FILIP1L: variants seen among roughly 807,000 people sequenced by gnomAD.
The protein encoded by FILIP1L is filamin A interacting protein 1 like, also known as filamin A-interacting protein 1-like.
A neutral mutation model predicts 96.6 loss-of-function variants in FILIP1L; 55 were observed. The ratio of observed to expected loss-of-function variants is 0.57; its 90% CI spans 0.46 to 0.71. The LOEUF (loss-of-function observed/expected upper bound fraction) is 0.71, where lower values mean the gene tolerates loss of function less well. Among genes scored for constraint, FILIP1L ranks in the 30% least tolerant of loss-of-function variants. FILIP1L has a pLI of 0.00. For synonymous variants in FILIP1L, 467 were observed against 473.9 expected, an observed-to-expected ratio of 0.99 and a Z score of 0.19; for missense variants, 1,304 against 1,321.2, an observed-to-expected ratio of 0.99 and a Z score of 0.20.
At position 100,049,550 on chromosome 3, in the gene FILIP1L, G is replaced by A. The variant is rs147479124; in HGVS notation, c.-11+64503C>T. Among the ~76,000 whole-genome samples the A allele has an allele frequency of 2.4e-3, 372 of 152,244 alleles. 1 individual carries two copies. The highest frequency in any genetic ancestry group is 8.4e-3 in the African/African-American group (350 of 41,552). On this transcript the variant is annotated intron_variant, in intron 1 of 5. Coordinates refer to ENST00000477258, the MANE Select transcript of FILIP1L (RefSeq NM_001387850.1). ...AAAATAATTCATTGAGGGAATAAAAGTGATTAGAATATAAAGCCAGAGATA... is the reference window on the plus strand; with the variant it reads ...AAAATAATTCATTGAGGGAATAAAAATGATTAGAATATAAAGCCAGAGATA...
At chr3:100,055,162 G>T (rs949429846) in intron 1 of FILIP1L, among the ~76,000 whole-genome samples, 3 of 152,084 alleles carry the variant, frequency 2.0e-5, no homozygotes, top group African/African-American at 7.2e-5. Context: ...CCCAATTCAG[G>T]TCTCCCAGTT....
chr3:99,892,006 A>T (rs1250705940), intron 4 of FILIP1L, among the ~76,000 whole-genome samples: 1 of 152,146 alleles, frequency 6.6e-6, no homozygotes. Flanking sequence ...TGATTTTTTC[A>T]CAGTTGTTAC....
chr3:100,030,143 A>G lies in FILIP1L; in HGVS notation c.-11+83910T>C, dbSNP rs572404086. Reference sequence around the variant, plus strand: ...CCAAACACTTGCCTAAAGTCACACAACTAGAGTTAACCATAGGACTGAAAT... The same window carrying G: ...CCAAACACTTGCCTAAAGTCACACAGCTAGAGTTAACCATAGGACTGAAAT... On this transcript the variant is annotated intron_variant, in intron 1 of 5. Transcript: ENST00000477258. 9.2e-5 allele frequency among the ~76,000 whole-genome samples: 14 copies of G among 152,306 alleles called. 1 individual carries two copies. The South Asian group carries it at 2.9e-3, about 32-fold the overall frequency.
At chr3:100,042,350 G>C (rs1395547043) in intron 1 of FILIP1L, among the ~76,000 whole-genome samples, 1 of 151,668 alleles carries the variant, frequency 6.6e-6, no homozygotes, top group Non-Finnish European at 1.5e-5. Context: ...AAAAAACATT[G>C]GCTCTGTGAC....
Position 99,850,760 on chromosome 3 carries a change from G to A in FILIP1L, c.916C>T (p.Gln306Ter). 8 of 1,614,124 alleles carry A rather than the reference G, an allele frequency of 5.0e-6. No individual in the cohort carries two copies. Among genetic ancestry groups the A allele is most frequent in the Non-Finnish European group, 6.8e-6 (8 of 1,180,008 alleles). ...QTQTTKFHQD[Q>*]DTIMAKLTNE... The stretch of plus-strand genomic sequence containing the variant: ...GTGAGCTTCGCCATAATTGTGTCTT[G>A]GTCTTGGTGAAACTTTGTGGTCTGC... Residue 306 changes from glutamine to a stop codon, truncating the protein, a stop_gained, in exon 5 of 6, where the codon CAA becomes TAA. Transcript: ENST00000477258. LOFTEE classifies it high-confidence loss of function.
intron 1 of FILIP1L, among the ~76,000 whole-genome samples, chr3:100,033,788 C>T (rs950561292): frequency 2.0e-5 from 3 of 152,152 alleles, no homozygotes; most frequent in African/African-American, 7.2e-5. Flanking sequence ...TTTATTCTTT[C>T]CATGAATTGT....
chr3:99,850,988 C>T lies in FILIP1L; in HGVS notation c.688G>A (p.Glu230Lys), dbSNP rs1363874010. ...EKEKRVTTLK[E>K]ELTKLKSFAL... The stretch of plus-strand genomic sequence containing the variant: ...AAAGACTTCAGCTTGGTCAGCTCCT[C>T]TTTCAGGGTGGTGACCCTTTTCTCC... Residue 230 changes from glutamate (E) to lysine (K), a missense_variant, in exon 5 of 6, where the codon GAG (glutamate) becomes AAG (lysine). Glu to Lys is a moderately conservative substitution (Grantham distance 56). Coordinates refer to ENST00000477258, the MANE Select transcript of FILIP1L (RefSeq NM_001387850.1). 5 of 1,614,026 alleles carry T rather than the reference C, an allele frequency of 3.1e-6. No individual in the cohort carries two copies. The highest frequency in any genetic ancestry group is 4.2e-6 in the Non-Finnish European group (5 of 1,179,964).
At chr3:99,986,540 G>A (rs1709347526) in intron 1 of FILIP1L, among the ~76,000 whole-genome samples, 1 of 152,176 alleles carries the variant, frequency 6.6e-6, no homozygotes, top group South Asian at 2.1e-4. Context: ...TATGAGGTTG[G>A]TAGGTATATT....
Position 99,945,363 on chromosome 3 carries a change from C to G in FILIP1L, c.-10-14333G>C, listed in dbSNP as rs1707978209. ...TGCGTAGATCTGGACCTCAGACTCTCTGAGGTCTGTGGTAATGGGGATAGA... is the reference window on the plus strand; with the variant it reads ...TGCGTAGATCTGGACCTCAGACTCTGTGAGGTCTGTGGTAATGGGGATAGA... On this transcript the variant is annotated intron_variant, in intron 1 of 5. Coordinates refer to ENST00000477258, the MANE Select transcript of FILIP1L (RefSeq NM_001387850.1). 2.0e-5 allele frequency among the ~76,000 whole-genome samples: 3 copies of G among 152,118 alleles called. No individual in the cohort carries two copies. The South Asian group carries it at 6.2e-4, about 32-fold the overall frequency.
intron 1 of FILIP1L, among the ~76,000 whole-genome samples, chr3:99,965,700 C>T (rs2107709618): frequency 6.6e-6 from 1 of 152,300 alleles, no homozygotes; most frequent in Admixed American, 6.5e-5. Context: ...CCTGCTCATC[C>T]TGTGGAACAT....
At chr3:100,086,874 A>G (rs150478058) in intron 1 of FILIP1L, among the ~76,000 whole-genome samples, 1,784 of 152,216 alleles carry the variant, frequency 0.012, 23 homozygotes, top group African/African-American at 0.026. Context: ...CCCTCTCTCT[A>G]TTCTCAACCC....
intron 1 of FILIP1L, among the ~76,000 whole-genome samples, chr3:99,939,750 A>G (rs1348564868): frequency 2.0e-5 from 3 of 152,182 alleles, no homozygotes; most frequent in African/African-American, 7.2e-5. Flanking sequence ...TTTCACATGC[A>G]TGTTTCTTGA....
chr3:100,072,308 C>T (rs1032849448), intron 1 of FILIP1L, among the ~76,000 whole-genome samples: 2 of 152,174 alleles, frequency 1.3e-5, no homozygotes, highest in Admixed American at 6.5e-5. Flanking sequence ...TCTCATTGGC[C>T]TCCTGCCCTA....
rs41386051 is a variant in FILIP1L at position 100,080,048 on chromosome 3, C to T, written c.-11+34005G>A. On this transcript the variant is annotated intron_variant, in intron 1 of 5. Coordinates refer to ENST00000477258, the MANE Select transcript of FILIP1L (RefSeq NM_001387850.1). ...GAAATTAAATGCTTCACAAAATTAA[C>T]GGTGTCAACACTGGGTCTTCTGCAC... Among the ~76,000 whole-genome samples the T allele has an allele frequency of 4.2e-3, 642 of 152,264 alleles. 4 individuals carry two copies. Among genetic ancestry groups the T allele is most frequent in the African/African-American group, 0.014 (598 of 41,548 alleles).
chr3:99,983,394 ATATATATAT>A (rs1709194105), intron 1 of FILIP1L, among the ~76,000 whole-genome samples: 11 of 84,860 alleles, frequency 1.3e-4, no homozygotes, highest in African/African-American at 4.3e-4. Flanking sequence ...AAATAAATAT[ATATATATAT>A]ATATATATAT....
intron 1 of FILIP1L, among the ~76,000 whole-genome samples, chr3:99,968,415 C>CTTTT (rs1708717358): frequency 6.7e-6 from 1 of 148,336 alleles, no homozygotes; most frequent in Non-Finnish European, 1.5e-5. Context: ...TCCTGAAAAA[C>CTTTT]TATGTTTTTG....
intron 1 of FILIP1L, among the ~76,000 whole-genome samples, chr3:100,078,970 A>T (rs144587909): frequency 5.3e-4 from 81 of 152,286 alleles, no homozygotes; most frequent in African/African-American, 1.9e-3. Context: ...GCCACATTCA[A>T]AGCTGTCCTG....
Position 99,907,766 on chromosome 3 carries a change from G to C in FILIP1L, c.605+16464C>G, listed in dbSNP as rs149041643. The stretch of plus-strand genomic sequence containing the variant: ...CTCTTTTTCTCCTTGTCTGAACTAT[G>C]TCTGTCTTTTAATGTGCAACGCTAA... On this transcript the variant is annotated intron_variant, in intron 4 of 5. Coordinates refer to ENST00000477258, the MANE Select transcript of FILIP1L (RefSeq NM_001387850.1). 2.0e-4 allele frequency among the ~76,000 whole-genome samples: 30 copies of C among 152,118 alleles called. No individual in the cohort carries two copies. In the East Asian group the frequency reaches 5.6e-3, roughly 28 times the overall value.
At chr3:100,054,490 T>TTGTTATGTTATGTTATGTTATGTTA (rs10668094) in intron 1 of FILIP1L, among the ~76,000 whole-genome samples, 4 of 146,086 alleles carry the variant, frequency 2.7e-5, no homozygotes, top group East Asian at 2.0e-4. Flanking sequence ...ATGTTATGTT[T>TTGTTATGTTATGTTATGTTATGTTA]TGTTATGTTA....
Sources: gnomAD v4.1 joint callset for allele counts (sites outside exome capture counted in the v4.1 genomes callset) on GRCh38, gnomAD v4.1.1 for gene constraint, MANE v1.5 for transcripts, NCBI Gene and HGNC (gene_info 2026-07-23, HGNC 2026-07-21) for gene names.